The following CLNK variants were observed in gnomAD, a reference collection of about 807,000 sequenced individuals.
The protein encoded by CLNK is cytokine dependent hematopoietic cell linker.
In CLNK, 74 loss-of-function variants were observed where a neutral mutation model predicts 68.6. The observed-to-expected ratio is 1.08, with a 90% CI of 0.89 to 1.31. The LOEUF is 1.31. Among genes scored for constraint, CLNK ranks in the 50% most tolerant of loss-of-function variants. The pLI, the probability that CLNK is intolerant of heterozygous loss-of-function variation, is 0.00. For synonymous variants in CLNK, 198 were observed against 172.2 expected (o/e 1.15, Z -1.17); for missense variants, 553 against 515.3 (o/e 1.07, Z -0.71).
intron 16 of CLNK, among the ~76,000 whole-genome samples, chr4:10,510,614 C>T (rs12508358): frequency 0.35 from 52,902 of 151,976 alleles, 9,366 homozygotes; most frequent in African/African-American, 0.42. Flanking sequence ...AGCTCTTCGG[C>T]ACTAACATCT....
At chr4:10,570,124 G>T (rs1165926082) in intron 5 of CLNK, among the ~76,000 whole-genome samples, 1 of 152,236 alleles carries the variant, frequency 6.6e-6, no homozygotes, top group African/African-American at 2.4e-5. Flanking sequence ...GGATTTGACA[G>T]ATGGGTATTT....
intron 18 of CLNK, among the ~76,000 whole-genome samples, chr4:10,495,136 CT>C: frequency 6.6e-6 from 1 of 152,194 alleles, no homozygotes; most frequent in Non-Finnish European, 1.5e-5. Context: ...GTTCTTTAGT[CT>C]TTAACGTTTA....
chr4:10,667,395 A>G (rs1194822213), intron 2 of CLNK, among the ~76,000 whole-genome samples: 1 of 121,048 alleles, frequency 8.3e-6, no homozygotes, highest in African/African-American at 3.0e-5. Flanking sequence ...TTTTTACTAT[A>G]CTATAGACAT....
chr4:10,542,216 A>T, intron 9 of CLNK, 39 bp downstream of exon 9: 1 of 1,368,440 alleles, frequency 7.3e-7, no homozygotes, highest in East Asian at 2.4e-5. Context: ...TTCTAAAGTA[A>T]ATAATGAATA....
At chr4:10,732,772 C>A in the CLNK span, among the ~76,000 whole-genome samples, 2 of 151,726 alleles carry the variant, frequency 1.3e-5, no homozygotes, top group African/African-American at 4.8e-5. Context: ...CCACAGGAAG[C>A]CAAGTGAGTC....
chr4:10,536,998 C>G (rs1319456853), intron 11 of CLNK, among the ~76,000 whole-genome samples: 2 of 152,136 alleles, frequency 1.3e-5, no homozygotes, highest in Non-Finnish European at 2.9e-5. Context: ...GGATGTATTC[C>G]TCGAACTTGG....
chr4:10,726,214 C>T, the CLNK span, among the ~76,000 whole-genome samples: 58,049 of 152,032 alleles, frequency 0.38, 11,791 homozygotes, highest in East Asian at 0.58. Context: ...CTCTGCCTCT[C>T]GGGTTCAAGC....
intron 2 of CLNK, among the ~76,000 whole-genome samples, chr4:10,611,496 G>GA (rs10692993): frequency 0.24 from 32,448 of 134,566 alleles, 4,157 homozygotes; most frequent in Middle Eastern, 0.34. Context: ...GGCTAAGTCT[G>GA]AAAAAAAAAA....
the CLNK span, among the ~76,000 whole-genome samples, chr4:10,707,457 G>T: frequency 6.6e-6 from 1 of 152,206 alleles, no homozygotes; most frequent in Non-Finnish European, 1.5e-5. Flanking sequence ...AGTAATGCAA[G>T]ATAGACTAAT....
chr4:10,704,396 C>A, the CLNK span, among the ~76,000 whole-genome samples: 1 of 152,056 alleles, frequency 6.6e-6, no homozygotes, highest in Non-Finnish European at 1.5e-5. Context: ...TATTTTCATT[C>A]TTGATATTTT....
At chr4:10,529,244 A>T (rs1718436014) in intron 12 of CLNK, among the ~76,000 whole-genome samples, 1 of 152,204 alleles carries the variant, frequency 6.6e-6, no homozygotes, top group African/African-American at 2.4e-5. Flanking sequence ...GTATGTGCAT[A>T]TATTTTTTCT....
At chr4:10,593,255 G>C (rs1721250869) in intron 3 of CLNK, among the ~76,000 whole-genome samples, 1 of 152,160 alleles carries the variant, frequency 6.6e-6, no homozygotes, top group South Asian at 2.1e-4. Flanking sequence ...GGGCAGGCGG[G>C]GCAGACCAGA....
chr4:10,534,340 G>GA (rs1238561360), intron 11 of CLNK, among the ~76,000 whole-genome samples: 3 of 152,022 alleles, frequency 2.0e-5, no homozygotes, highest in Non-Finnish European at 4.4e-5. Context: ...TGAAGATGGC[G>GA]AAAAAAACCA....
chr4:10,611,619 A>G (rs1335085041), intron 2 of CLNK, among the ~76,000 whole-genome samples: 1 of 152,010 alleles, frequency 6.6e-6, no homozygotes. Flanking sequence ...CCTTTCCTCT[A>G]TCTCCTGGTG....
intron 16 of CLNK, among the ~76,000 whole-genome samples, chr4:10,512,746 G>A (rs996078635): frequency 1.3e-5 from 2 of 151,776 alleles, no homozygotes; most frequent in Admixed American, 6.6e-5. Flanking sequence ...AGACCTGGAA[G>A]AGGCACATCC....
intron 7 of CLNK, among the ~76,000 whole-genome samples, chr4:10,562,914 A>G (rs1397066032): frequency 6.6e-6 from 1 of 152,178 alleles, no homozygotes. Context: ...TGGTTCACGG[A>G]TATGTCTTTA....
chr4:10,718,887 A>G, the CLNK span, among the ~76,000 whole-genome samples: 1 of 152,096 alleles, frequency 6.6e-6, no homozygotes, highest in Non-Finnish European at 1.5e-5. Flanking sequence ...TTATAAATGG[A>G]AGGTGGAAGG....
intron 3 of CLNK, among the ~76,000 whole-genome samples, chr4:10,586,954 A>AT (rs113884963): frequency 0.23 from 33,784 of 147,372 alleles, 4,102 homozygotes; most frequent in African/African-American, 0.3. Context: ...GTCTTTGCCC[A>AT]TTTTTTTTCT....
the CLNK span, among the ~76,000 whole-genome samples, chr4:10,724,484 T>A: frequency 6.7e-6 from 1 of 149,800 alleles, no homozygotes; most frequent in Admixed American, 6.6e-5. Flanking sequence ...TTTAGTTAGT[T>A]TTTTTTTTTC....
Sources: gnomAD v4.1 joint callset for allele counts (sites outside exome capture counted in the v4.1 genomes callset) on GRCh38, gnomAD v4.1.1 for gene constraint, MANE v1.5 for transcripts, NCBI Gene and HGNC (gene_info 2026-07-23, HGNC 2026-07-21) for gene names.